Variants in BLTP3B observed in about 807,000 individuals in gnomAD.
BLTP3B encodes bridge-like lipid transfer protein family member 3B, also known as UHRF1 (ICBP90) binding protein 1-like.
the BLTP3B span, among the ~76,000 whole-genome samples, chr12:100,077,342 C>T: frequency 2.3e-3 from 352 of 152,262 alleles, 8 homozygotes; most frequent in East Asian, 0.04. Flanking sequence ...TTTAAGTAGG[C>T]TACATACCAT....
the BLTP3B span, among the ~76,000 whole-genome samples, chr12:100,105,720 A>T: frequency 5.9e-5 from 9 of 152,324 alleles, no homozygotes; most frequent in South Asian, 1.7e-3. Context: ...ACAACAAAAG[A>T]AATAATCATC....
the BLTP3B span, among the ~76,000 whole-genome samples, chr12:100,113,477 T>A: frequency 2.0e-5 from 3 of 152,010 alleles, no homozygotes. Flanking sequence ...AAAAATCTCA[T>A]CTCAACAAGA....
chr12:100,060,059 G>A, the BLTP3B span: 7 of 1,544,034 alleles, frequency 4.5e-6, no homozygotes, highest in Non-Finnish European at 6.1e-6. Context: ...GAGACAAGAT[G>A]TTTTTTAAAA....
chr12:100,123,819 C>T, the BLTP3B span, among the ~76,000 whole-genome samples: 5 of 150,658 alleles, frequency 3.3e-5, no homozygotes, highest in African/African-American at 1.2e-4. Context: ...TGTAATTATG[C>T]GTGTAATGAA....
At chr12:100,115,314 A>C in the BLTP3B span, among the ~76,000 whole-genome samples, 1 of 152,072 alleles carries the variant, frequency 6.6e-6, no homozygotes, top group Non-Finnish European at 1.5e-5. Context: ...GCTGAGGCAG[A>C]AGAATCATTT....
the BLTP3B span, among the ~76,000 whole-genome samples, chr12:100,084,918 A>G: frequency 6.6e-6 from 1 of 152,176 alleles, no homozygotes; most frequent in Non-Finnish European, 1.5e-5. Flanking sequence ...ATTCAATTTA[A>G]AGCCATATGA....
chr12:100,067,133 C>T, the BLTP3B span, among the ~76,000 whole-genome samples: 54 of 152,162 alleles, frequency 3.5e-4, no homozygotes, highest in African/African-American at 1.1e-3. Context: ...AAAAATTCTT[C>T]GAACTGAACA....
At chr12:100,106,994 A>G in the BLTP3B span, among the ~76,000 whole-genome samples, 1 of 152,162 alleles carries the variant, frequency 6.6e-6, no homozygotes, top group Non-Finnish European at 1.5e-5. Context: ...ATGATTAAAG[A>G]TAAGTAGAGG....
chr12:100,098,388 C>T, the BLTP3B span: 1 of 1,610,704 alleles, frequency 6.2e-7, no homozygotes, highest in Non-Finnish European at 8.5e-7. Flanking sequence ...GAGTAAATCT[C>T]AAATCTCCAT....
At chr12:100,130,339 C>A in the BLTP3B span, among the ~76,000 whole-genome samples, 1 of 152,152 alleles carries the variant, frequency 6.6e-6, no homozygotes, top group Non-Finnish European at 1.5e-5. Flanking sequence ...GGTTGCATAG[C>A]GTTTTGCTTG....
chr12:100,104,037 T>A, the BLTP3B span: 1 of 926,206 alleles, frequency 1.1e-6, no homozygotes, highest in South Asian at 1.9e-5. Context: ...TATATTAATA[T>A]AGGACAGACA....
At chr12:100,074,506 T>C in the BLTP3B span, among the ~76,000 whole-genome samples, 1 of 148,280 alleles carries the variant, frequency 6.7e-6, no homozygotes, top group South Asian at 2.1e-4. Context: ...GGCTGAGGCA[T>C]AAAAATCGCT....
At chr12:100,048,193 G>C in the BLTP3B span, 1 of 1,576,052 alleles carries the variant, frequency 6.3e-7, no homozygotes, top group South Asian at 1.2e-5. Flanking sequence ...TTTCTGATCG[G>C]AACCTAAGGA....
At chr12:100,108,424 C>T in the BLTP3B span, 1 of 1,613,132 alleles carries the variant, frequency 6.2e-7, no homozygotes, top group Non-Finnish European at 8.5e-7. Context: ...TTGTTGATAG[C>T]AAGCCATGTT....
chr12:100,063,200 AAAG>A, the BLTP3B span, among the ~76,000 whole-genome samples: 65 of 152,262 alleles, frequency 4.3e-4, 1 homozygote, highest in African/African-American at 1.5e-3. Context: ...AGACCCTCTG[AAAG>A]AAGCAGATTG....
the BLTP3B span, among the ~76,000 whole-genome samples, chr12:100,054,522 G>A: frequency 3.9e-5 from 6 of 152,076 alleles, no homozygotes; most frequent in Non-Finnish European, 7.4e-5. Context: ...TCTGCCAGAA[G>A]AACATTGTTT....
the BLTP3B span, chr12:100,084,582 A>G: frequency 1.2e-6 from 2 of 1,614,048 alleles, no homozygotes; most frequent in African/African-American, 2.7e-5. Flanking sequence ...ACTCAAATTC[A>G]TGCAATAACT....
chr12:100,095,937 A>G, the BLTP3B span: 1 of 1,104,624 alleles, frequency 9.1e-7, no homozygotes, highest in Non-Finnish European at 1.2e-6. Flanking sequence ...GAATAGAAAT[A>G]TGGATTCTTC....
chr12:100,082,004 G>A, the BLTP3B span, among the ~76,000 whole-genome samples: 1 of 152,184 alleles, frequency 6.6e-6, no homozygotes, highest in Non-Finnish European at 1.5e-5. Context: ...TTCCACAGTG[G>A]TTGAACTATT....
Sources: gnomAD v4.1 joint callset for allele counts (sites outside exome capture counted in the v4.1 genomes callset) on GRCh38, gnomAD v4.1.1 for gene constraint, MANE v1.5 for transcripts, NCBI Gene and HGNC (gene_info 2026-07-23, HGNC 2026-07-21) for gene names.